Variants in RBFOX2 observed in about 807,000 individuals in gnomAD.
RBFOX2 encodes the protein RNA binding protein fox-1 homolog 2.
Under a neutral mutation model 49.1 loss-of-function variants are expected in RBFOX2, and 10 were observed. The ratio of observed to expected loss-of-function variants is 0.20; its 90% CI spans 0.13 to 0.35. The LOEUF is 0.35. Among genes scored for constraint, RBFOX2 ranks in the 10% least tolerant of loss-of-function variants. The pLI is 1.00. For synonymous variants in RBFOX2, 183 were observed against 187.4 expected, an observed-to-expected ratio of 0.98 and a Z score of 0.19; for missense variants, 323 against 486.9, an observed-to-expected ratio of 0.66 and a Z score of 3.17.
intron 1 of RBFOX2, chr22:35,898,419 CTTTT>C (rs749708583): frequency 1.8e-3 from 512 of 277,016 alleles, no homozygotes; most frequent in South Asian, 3.0e-3. Flanking sequence ...TCCCACAATC[CTTTT>C]TTTTTTTTTT....
chr22:35,872,902 T>C (rs969974366), intron 1 of RBFOX2, among the ~76,000 whole-genome samples: 2 of 152,238 alleles, frequency 1.3e-5, no homozygotes, highest in East Asian at 3.9e-4. Flanking sequence ...CCTAGGTCCA[T>C]AGGAGTGGAG....
rs2057722057 is a variant in RBFOX2, at chr22:35,986,273, C to G, written c.186+41967G>C. Among the ~76,000 whole-genome samples the G allele has an allele frequency of 2.0e-5, 3 of 152,146 alleles. No homozygotes were observed. In the South Asian group the frequency reaches 6.2e-4, roughly 32 times the overall value. On this transcript the variant is annotated intron_variant, in intron 1 of 13. Transcript: ENST00000438146. Reference sequence around the variant, plus strand: ...AGACTGGCAAGATGCCCCAAAGACACAGCAGGAATTTGATATGAACAGCAG... The same window carrying G: ...AGACTGGCAAGATGCCCCAAAGACAGAGCAGGAATTTGATATGAACAGCAG...
upstream of RBFOX2, among the ~76,000 whole-genome samples, chr22:35,940,323 C>T (rs2053563160): frequency 6.6e-6 from 1 of 152,128 alleles, no homozygotes; most frequent in Non-Finnish European, 1.5e-5. Flanking sequence ...AAGAGATGTG[C>T]AAATGGCCAG....
intron 1 of RBFOX2, among the ~76,000 whole-genome samples, chr22:36,021,009 A>G (rs1171828794): frequency 6.6e-6 from 1 of 152,116 alleles, no homozygotes; most frequent in Non-Finnish European, 1.5e-5. Flanking sequence ...ATGCCCATCA[A>G]TGATAAATTG....
At chr22:35,813,546 A>G (rs1433410872) in intron 1 of RBFOX2, among the ~76,000 whole-genome samples, 4 of 152,206 alleles carry the variant, frequency 2.6e-5, no homozygotes, top group Non-Finnish European at 5.9e-5. Flanking sequence ...TTCTGTTTCC[A>G]GTTAAAAGTA....
chr22:35,892,273 G>A (rs6000026), intron 1 of RBFOX2, among the ~76,000 whole-genome samples: 118,399 of 152,104 alleles, frequency 0.78, 47,133 homozygotes, highest in African/African-American at 0.94. Flanking sequence ...GAAATGGCAG[G>A]GGTGGGATTT....
At chr22:35,809,814 C>T (rs757845430) in exon 2 of RBFOX2, 21 of 1,613,898 alleles carry the variant, frequency 1.3e-5, no homozygotes, top group African/African-American at 6.7e-5. Context: ...GGGTGAGTTG[C>T]TGCTCTGCTC....
upstream of RBFOX2, among the ~76,000 whole-genome samples, chr22:35,966,417 G>A (rs2056562082): frequency 6.6e-6 from 1 of 152,156 alleles, no homozygotes; most frequent in Non-Finnish European, 1.5e-5. Flanking sequence ...CCAACTGCCA[G>A]TTTTCCAAAG....
chr22:35,854,221 A>G (rs2042260781), intron 1 of RBFOX2, among the ~76,000 whole-genome samples: 1 of 151,994 alleles, frequency 6.6e-6, no homozygotes, highest in African/African-American at 2.4e-5. Flanking sequence ...TCTAATAATA[A>G]TAATAATAAT....
At chr22:35,830,150 T>C (rs748080692) in intron 1 of RBFOX2, among the ~76,000 whole-genome samples, 6 of 152,224 alleles carry the variant, frequency 3.9e-5, no homozygotes, top group African/African-American at 1.2e-4. Flanking sequence ...ATCAATGAAT[T>C]AGCAAGTTAA....
In RBFOX2 at chr22:35,959,899, C is replaced by T. The variant is rs185420384; in HGVS notation, c.42+1664G>A. 4.8e-3 allele frequency among the ~76,000 whole-genome samples: 734 copies of T among 152,286 alleles called. 9 individuals carry two copies. The highest frequency in any genetic ancestry group is 8.0e-3 in the Non-Finnish European group (546 of 68,018). ...TAATAGCACAGTATTTACATATAAC[C>T]TATGTATATCCTCCCAGAGATTTTA... On this transcript the variant is annotated intron_variant, in intron 1 of 5. Transcript: ENST00000408983.
chr22:35,850,009 G>A (rs564854328), intron 1 of RBFOX2, among the ~76,000 whole-genome samples: 2 of 151,988 alleles, frequency 1.3e-5, no homozygotes, highest in Non-Finnish European at 2.9e-5. Flanking sequence ...ACACAAACAC[G>A]GTAGGAAGTC....
intron 1 of RBFOX2, among the ~76,000 whole-genome samples, chr22:35,814,710 CAAAAAAAAAAAA>C (rs55971445): frequency 6.4e-5 from 2 of 31,028 alleles, no homozygotes; most frequent in Admixed American, 3.9e-4. Context: ...AACCCTGTCT[CAAAAAAAAAAAA>C]AAAAAAAAAA....
intron 1 of RBFOX2, among the ~76,000 whole-genome samples, chr22:35,948,875 GTATATT>G (rs1465404000): frequency 1.3e-5 from 2 of 151,898 alleles, no homozygotes; most frequent in Admixed American, 6.6e-5. Context: ...ATAGCATTAA[GTATATT>G]TATATTGTTG....
At chr22:35,814,133 G>C (rs984747572) in intron 1 of RBFOX2, among the ~76,000 whole-genome samples, 2 of 152,088 alleles carry the variant, frequency 1.3e-5, no homozygotes, top group African/African-American at 2.4e-5. Context: ...ACAGCCTTTT[G>C]GTGTACAATG....
chr22:35,852,968 C>A (rs1401066921), intron 1 of RBFOX2, among the ~76,000 whole-genome samples: 1 of 152,060 alleles, frequency 6.6e-6, no homozygotes, highest in Admixed American at 6.5e-5. Flanking sequence ...ACTATACATA[C>A]AAGGTGAAAA....
intron 1 of RBFOX2, among the ~76,000 whole-genome samples, chr22:35,835,967 G>T (rs1158989958): frequency 1.1e-4 from 16 of 151,604 alleles, no homozygotes; most frequent in Admixed American, 1.1e-3. Context: ...CATTGTAAAG[G>T]AACATAAATT....
At chr22:35,877,434 G>A (rs1006857012) in intron 1 of RBFOX2, among the ~76,000 whole-genome samples, 4 of 152,148 alleles carry the variant, frequency 2.6e-5, no homozygotes, top group African/African-American at 7.2e-5. Context: ...AGGAGAAAGA[G>A]ACTTGGTGAT....
chr22:35,751,056 G>A (rs1934730959), intron 9 of RBFOX2, among the ~76,000 whole-genome samples: 1 of 151,678 alleles, frequency 6.6e-6, no homozygotes. Flanking sequence ...TTGACCACAT[G>A]ATCTTTCGGC....
Sources: gnomAD v4.1 joint callset for allele counts (sites outside exome capture counted in the v4.1 genomes callset) on GRCh38, gnomAD v4.1.1 for gene constraint, MANE v1.5 for transcripts, NCBI Gene and HGNC (gene_info 2026-07-23, HGNC 2026-07-21) for gene names.